FHIT: variants seen among roughly 807,000 people sequenced by gnomAD.
FHIT encodes the protein fragile histidine triad diadenosine triphosphatase.
FHIT carries 19 observed loss-of-function variants against 17.9 expected under a neutral mutation model. The ratio of observed to expected loss-of-function variants is 1.06; its 90% CI spans 0.74 to 1.56. The LOEUF (loss-of-function observed/expected upper bound fraction) is 1.56. FHIT is among the 40% of genes most tolerant of loss of function. The pLI, the probability that FHIT is intolerant of heterozygous loss-of-function variation, is 0.00. For missense variants in FHIT, 248 were observed against 189.2 expected, an observed-to-expected ratio of 1.31 and a Z score of -1.82; for synonymous variants, 81 against 69.7, an observed-to-expected ratio of 1.16 and a Z score of -0.81.
intron 8 of FHIT, among the ~76,000 whole-genome samples, chr3:59,893,306 A>G (rs1703932955): frequency 2.0e-5 from 3 of 152,220 alleles, no homozygotes; most frequent in Admixed American, 6.5e-5. Flanking sequence ...TTCAATAAGG[A>G]GCAAGATGGC....
chr3:61,050,492 AATT>A lies in FHIT; in HGVS notation c.-163-8396_-163-8394del, dbSNP rs1273654802. ...GACTGGATATTAGAAAATATTAAGG[AATT>A]ATTATTAATTTCATTAAATGTGATG... On this transcript the variant is annotated intron_variant, in intron 2 of 9. Transcript: ENST00000492590. Among the ~76,000 whole-genome samples the A allele has an allele frequency of 2.6e-5, 4 of 152,356 alleles. No homozygotes were observed. In the East Asian group the frequency reaches 7.7e-4, roughly 29 times the overall value.
chr3:61,148,511 T>C (rs918222021), intron 2 of FHIT, among the ~76,000 whole-genome samples: 1 of 152,170 alleles, frequency 6.6e-6, no homozygotes, highest in Non-Finnish European at 1.5e-5. Flanking sequence ...TCAAGATGCA[T>C]CCATATTGTA....
chr3:60,781,857 T>G (rs1201520404), intron 4 of FHIT, among the ~76,000 whole-genome samples: 1 of 152,188 alleles, frequency 6.6e-6, no homozygotes, highest in Non-Finnish European at 1.5e-5. Flanking sequence ...ATAGACAAAT[T>G]ATAGTTGTAT....
At chr3:61,225,437 C>T (rs1369782557) in intron 1 of FHIT, among the ~76,000 whole-genome samples, 2 of 152,064 alleles carry the variant, frequency 1.3e-5, no homozygotes, top group African/African-American at 2.4e-5. Flanking sequence ...CTTTAACATG[C>T]CTTTGCAGGA....
intron 4 of FHIT, among the ~76,000 whole-genome samples, chr3:60,573,348 T>C (rs1177022462): frequency 6.6e-6 from 1 of 152,172 alleles, no homozygotes. Context: ...CCTTTAGAAT[T>C]TGAATTTCTG....
chr3:60,334,744 G>A (rs1163217141), intron 5 of FHIT, among the ~76,000 whole-genome samples: 5 of 152,196 alleles, frequency 3.3e-5, no homozygotes, highest in Non-Finnish European at 7.4e-5. Flanking sequence ...CTGAGACCAC[G>A]CCACTGCCCT....
At chr3:60,878,595 C>G (rs1342661415) in intron 3 of FHIT, among the ~76,000 whole-genome samples, 1 of 152,052 alleles carries the variant, frequency 6.6e-6, no homozygotes, top group Non-Finnish European at 1.5e-5. Flanking sequence ...CACCCATTAA[C>G]TCGTCATTTA....
chr3:59,988,675 G>A (rs1323808552), intron 7 of FHIT, among the ~76,000 whole-genome samples: 2 of 152,044 alleles, frequency 1.3e-5, no homozygotes, highest in African/African-American at 4.8e-5. Context: ...TTGTGCCTAA[G>A]GGTTTCAAAC....
intron 1 of FHIT, among the ~76,000 whole-genome samples, chr3:61,217,270 C>T (rs370178673): frequency 4.6e-5 from 7 of 152,316 alleles, no homozygotes; most frequent in Non-Finnish European, 8.8e-5. Context: ...CTGAGGCTTC[C>T]GCTAGCAGAC....
chr3:60,230,908 G>A (rs1370237835), intron 5 of FHIT, among the ~76,000 whole-genome samples: 2 of 152,044 alleles, frequency 1.3e-5, no homozygotes, highest in Non-Finnish European at 2.9e-5. Context: ...ACGAAGTTTC[G>A]CCATGTTGGC....
chr3:60,392,293 G>A (rs1482353072), intron 5 of FHIT, among the ~76,000 whole-genome samples: 2 of 152,302 alleles, frequency 1.3e-5, no homozygotes, highest in East Asian at 1.9e-4. Flanking sequence ...AGCTTGGATG[G>A]AAGAATGGTA....
intron 5 of FHIT, among the ~76,000 whole-genome samples, chr3:60,390,293 C>T (rs1701168134): frequency 6.7e-6 from 1 of 150,044 alleles, no homozygotes; most frequent in Non-Finnish European, 1.5e-5. Context: ...AATTTTTAGT[C>T]CAATTTTCCC....
chr3:60,709,758 C>G (rs1553704524), intron 4 of FHIT, among the ~76,000 whole-genome samples: 1 of 152,134 alleles, frequency 6.6e-6, no homozygotes, highest in Non-Finnish European at 1.5e-5. Flanking sequence ...GGTGGCATAT[C>G]CAAGTTTCCC....
At chr3:60,862,588 G>A (rs1005121372) in intron 3 of FHIT, among the ~76,000 whole-genome samples, 7 of 152,030 alleles carry the variant, frequency 4.6e-5, no homozygotes, top group East Asian at 1.9e-4. Flanking sequence ...GGTGGCTCAC[G>A]CCTGTAATAC....
chr3:60,877,866 G>A (rs1032027101), intron 3 of FHIT, among the ~76,000 whole-genome samples: 4 of 151,990 alleles, frequency 2.6e-5, no homozygotes, highest in Non-Finnish European at 5.9e-5. Context: ...CTGCCCTCCA[G>A]GACCCAAACA....
intron 2 of FHIT, among the ~76,000 whole-genome samples, chr3:61,186,923 G>A (rs770280064): frequency 6.6e-6 from 1 of 152,140 alleles, no homozygotes; most frequent in Non-Finnish European, 1.5e-5. Context: ...CTCCAAATGA[G>A]GAGGCCTGCT....
At chr3:60,771,285 ATCTC>A (rs369948623) in intron 4 of FHIT, among the ~76,000 whole-genome samples, 3 of 151,344 alleles carry the variant, frequency 2.0e-5, no homozygotes, top group East Asian at 1.9e-4. Context: ...AGTAATATTT[ATCTC>A]TCTCTCTCTC....
chr3:61,166,010 G>A (rs2037825949), intron 2 of FHIT, among the ~76,000 whole-genome samples: 1 of 152,184 alleles, frequency 6.6e-6, no homozygotes, highest in South Asian at 2.1e-4. Flanking sequence ...AGGGTTGGAA[G>A]AAACTGTTGT....
Position 60,685,490 on chromosome 3 carries a change from C to T in FHIT, c.-18+136429G>A, listed in dbSNP as rs1324808480. ...TGGTACACTCCGTTTGAAGGTTACT[C>T]GAAGCCAGCTTGCTTTTTGTCAAGA... is the stretch of plus-strand genomic sequence containing the variant. On this transcript the variant is annotated intron_variant, in intron 4 of 9. Coordinates refer to ENST00000492590, the MANE Select transcript of FHIT (RefSeq NM_002012.4). 4.6e-5 allele frequency among the ~76,000 whole-genome samples: 7 copies of T among 152,050 alleles called. No homozygotes were observed. In the East Asian group the frequency reaches 1.2e-3, roughly 25 times the overall value.
Sources: gnomAD v4.1 joint callset for allele counts (sites outside exome capture counted in the v4.1 genomes callset) on GRCh38, gnomAD v4.1.1 for gene constraint, MANE v1.5 for transcripts, NCBI Gene and HGNC (gene_info 2026-07-23, HGNC 2026-07-21) for gene names.